The following DYRK4 variants were observed in gnomAD, a reference collection of about 807,000 sequenced individuals.
The protein encoded by DYRK4 is dual specificity tyrosine phosphorylation regulated kinase 4.
A neutral mutation model predicts 68.3 loss-of-function variants in DYRK4; 64 were observed. The observed-to-expected ratio is 0.94, with a 90% CI of 0.77 to 1.15. DYRK4 has a LOEUF of 1.15. Among genes scored for constraint, DYRK4 ranks in the 50% most tolerant of loss-of-function variants. DYRK4 has a pLI of 0.00. For missense variants in DYRK4, 740 were observed against 764.7 expected (o/e 0.97, Z 0.38); for synonymous variants, 274 against 289.9 (o/e 0.95, Z 0.56).
At position 4,569,174 on chromosome 12, in the gene DYRK4, C is replaced by T. The variant is rs372287502; in HGVS notation, c.132+1126C>T. On this transcript the variant is annotated intron_variant, in intron 2 of 14. Transcript: ENST00000543431. ...CTAATACAAAGTCCTTTGCTCCACC[C>T]CACTACCCGTGCCACTACCACGTAT... Among the ~76,000 whole-genome samples, 10 of 152,322 alleles carry T rather than the reference C, an allele frequency of 6.6e-5. No individual in the cohort carries two copies. The South Asian group carries it at 1.0e-3, about 16-fold the overall frequency.
rs147258839 is a variant in DYRK4, at chr12:4,597,378, C to G, written c.905+649C>G. Among the ~76,000 whole-genome samples the G allele has an allele frequency of 2.1e-4, 32 of 152,358 alleles. 1 individual carries two copies. The East Asian group carries it at 6.2e-3, about 29-fold the overall frequency. On this transcript the variant is annotated intron_variant, in intron 8 of 14. Coordinates refer to ENST00000543431, the MANE Select transcript of DYRK4 (RefSeq NM_001394779.1). Reference sequence around the variant, plus strand: ...GCTCTCAGAGTGTTACTGGATTTAGCGAGCTGGTAGCTCACTGCCCCCATG... The same window carrying G: ...GCTCTCAGAGTGTTACTGGATTTAGGGAGCTGGTAGCTCACTGCCCCCATG...
Position 4,591,220 on chromosome 12 carries a change from C to T in DYRK4, c.385C>T (p.His129Tyr). 2 of 1,614,160 alleles carry T rather than the reference C, an allele frequency of 1.2e-6. No homozygotes were observed. Among genetic ancestry groups the T allele is most frequent in the Admixed American group, 1.7e-5 (1 of 60,026 alleles). Residue 129 changes from histidine (H) to tyrosine (Y), a missense_variant, in exon 5 of 15, where the codon CAC (histidine) becomes TAC (tyrosine). By Grantham distance (83) the His-to-Tyr change is moderately conservative. Transcript: ENST00000543431. The surrounding 1 kb of genome is among the most constrained non-coding windows in gnomAD (Gnocchi z 4.1). Reference sequence around the variant, plus strand: ...GCTCAAGGCTTCAGAAATACCTTTCCACCCTAGCATTAAAACCCAGGATCC... The same window carrying T: ...GCTCAAGGCTTCAGAAATACCTTTCTACCCTAGCATTAAAACCCAGGATCC... ...SELKASEIPF[H>Y]PSIKTQDPKA...
intron 10 of DYRK4, among the ~76,000 whole-genome samples, chr12:4,603,851 C>T (rs1173131425): frequency 3.9e-5 from 6 of 152,138 alleles, no homozygotes; most frequent in East Asian, 1.9e-4. Context: ...GAACTGAATT[C>T]GTAATTATTT....
At chr12:4,612,956 T>G (rs369689408) in intron 14 of DYRK4, 27 of 446,336 alleles carry the variant, frequency 6.0e-5, no homozygotes, top group African/African-American at 5.4e-4. Context: ...AGCCTGCCAT[T>G]TCTTACCTTT....
intron 6 of DYRK4, among the ~76,000 whole-genome samples, chr12:4,594,989 T>G (rs1945000952): frequency 1.3e-5 from 2 of 152,236 alleles, no homozygotes; most frequent in South Asian, 4.1e-4. Flanking sequence ...TGGTTTTTGC[T>G]TCAAGTAACC....
At chr12:4,606,972 G>A (rs1204332552) in intron 11 of DYRK4, among the ~76,000 whole-genome samples, 1 of 152,172 alleles carries the variant, frequency 6.6e-6, no homozygotes, top group Non-Finnish European at 1.5e-5. Flanking sequence ...CCTTTCCAGT[G>A]CTCCATGGTG....
intron 3 of DYRK4, among the ~76,000 whole-genome samples, chr12:4,589,386 T>C (rs571936218): frequency 6.6e-6 from 1 of 152,296 alleles, no homozygotes; most frequent in Non-Finnish European, 1.5e-5. Flanking sequence ...AAATTACTAT[T>C]GATTATAGTC....
intron 5 of DYRK4, among the ~76,000 whole-genome samples, chr12:4,592,258 T>G (rs182197981): frequency 1.3e-5 from 2 of 152,350 alleles, no homozygotes; most frequent in East Asian, 1.9e-4. Context: ...CAGCTTATAC[T>G]TGACTGCCCT....
chr12:4,572,130 A>G (rs971288657), intron 2 of DYRK4, among the ~76,000 whole-genome samples: 1 of 152,244 alleles, frequency 6.6e-6, no homozygotes, highest in Non-Finnish European at 1.5e-5. Context: ...TTTTGACTAA[A>G]TGCTGAGAAT....
chr12:4,611,637 A>G (rs1296076771), intron 13 of DYRK4, among the ~76,000 whole-genome samples: 2 of 152,248 alleles, frequency 1.3e-5, no homozygotes, highest in African/African-American at 4.8e-5. Flanking sequence ...CATTTGACAC[A>G]GAAATGAGAG....
At chr12:4,588,376 T>G (rs183837125) in intron 2 of DYRK4, among the ~76,000 whole-genome samples, 25 of 152,356 alleles carry the variant, frequency 1.6e-4, no homozygotes, top group African/African-American at 5.5e-4. Context: ...CTGTACACAT[T>G]ACGTCCTCTT....
chr12:4,588,653 T>C (rs1380871213), intron 2 of DYRK4, among the ~76,000 whole-genome samples: 2 of 152,302 alleles, frequency 1.3e-5, no homozygotes, highest in East Asian at 1.9e-4. Context: ...GGGTCTCTAG[T>C]TAAGATTTTG....
chr12:4,606,014 A>G (rs1945145689), intron 11 of DYRK4, among the ~76,000 whole-genome samples: 1 of 152,190 alleles, frequency 6.6e-6, no homozygotes, highest in African/African-American at 2.4e-5. Context: ...ATTGGAAATT[A>G]TTTGACTTCA....
intron 2 of DYRK4, among the ~76,000 whole-genome samples, chr12:4,569,364 T>C (rs1309932948): frequency 6.6e-6 from 1 of 152,234 alleles, no homozygotes; most frequent in Non-Finnish European, 1.5e-5. Context: ...TAAACTATGA[T>C]GCAAACAGAA....
intron 1 of DYRK4, chr12:4,567,467 G>GT (rs149097515): frequency 0.033 from 5,114 of 154,392 alleles, 306 homozygotes; most frequent in African/African-American, 0.12. Flanking sequence ...TGTGTGCAAG[G>GT]TTTTTTTTGT....
intron 2 of DYRK4, chr12:4,573,357 G>A: frequency 7.8e-7 from 1 of 1,289,572 alleles, no homozygotes; most frequent in African/African-American, 1.5e-5. Flanking sequence ...GATCTACATG[G>A]TAAGTACCAG....
chr12:4,603,762 C>T (rs1945108484), intron 10 of DYRK4, among the ~76,000 whole-genome samples: 1 of 152,200 alleles, frequency 6.6e-6, no homozygotes, highest in Non-Finnish European at 1.5e-5. Flanking sequence ...CCACAAAGAA[C>T]TTGTATGTTT....
chr12:4,612,699 TC>T lies in DYRK4; in HGVS notation c.1648del (p.His550IlefsTer48). ...CAAGGAAGGACAAGGTTCAAGGCTGTCATCACTCGAGCAGAAAAGGTACAGC... is the reference window on the plus strand; with the variant it reads ...CAAGGAAGGACAAGGTTCAAGGCTGTATCACTCGAGCAGAAAAGGTACAGC... ...ETRKDKVQGC[H>X]HSSRKDEITK... On this transcript the variant is annotated frameshift_variant, in exon 14 of 15. Transcript: ENST00000543431. LOFTEE classifies it low-confidence loss of function (END_TRUNC). 6.2e-7 allele frequency: 1 copy of T among 1,614,200 alleles called. No individual in the cohort carries two copies. Among genetic ancestry groups the T allele is most frequent in the Non-Finnish European group, 8.5e-7 (1 of 1,180,020 alleles).
chr12:4,571,307 G>C (rs1166245190), intron 2 of DYRK4, among the ~76,000 whole-genome samples: 1 of 152,254 alleles, frequency 6.6e-6, no homozygotes, highest in Non-Finnish European at 1.5e-5. Flanking sequence ...CTTTTTCTCT[G>C]TTAATTTCTT....
Sources: gnomAD v4.1 joint callset for allele counts (sites outside exome capture counted in the v4.1 genomes callset) on GRCh38, gnomAD v4.1.1 for gene constraint, Gnocchi (gnomAD v3.1) non-coding constraint, MANE v1.5 for transcripts, NCBI Gene and HGNC (gene_info 2026-07-23, HGNC 2026-07-21) for gene names.